BCAT1: variants seen among roughly 807,000 people sequenced by gnomAD.
BCAT1 encodes the protein branched-chain-amino-acid aminotransferase, cytosolic.
A neutral mutation model predicts 52.4 loss-of-function variants in BCAT1; 48 were observed. The ratio of observed to expected loss-of-function variants is 0.92; its 90% CI spans 0.73 to 1.16. The LOEUF is 1.16. Ranked by LOEUF, BCAT1 falls within the 50% of genes most tolerant of loss-of-function variation. The probability of loss-of-function intolerance (pLI) is 0.00; values close to 1 mark genes in which losing one functional copy is unlikely to be tolerated. For synonymous variants in BCAT1, 167 were observed against 161.3 expected (o/e 1.04, Z -0.27); for missense variants, 451 against 457.1 (o/e 0.99, Z 0.12).
chr12:24,864,245 C>T (rs1941938892), intron 5 of BCAT1, among the ~76,000 whole-genome samples: 1 of 152,174 alleles, frequency 6.6e-6, no homozygotes, highest in Admixed American at 6.5e-5. Context: ...TCCTCACTGG[C>T]TCCTGCCTTT....
At chr12:24,855,401 T>A (rs1842980350) in intron 5 of BCAT1, among the ~76,000 whole-genome samples, 2 of 151,292 alleles carry the variant, frequency 1.3e-5, no homozygotes, top group African/African-American at 4.9e-5. Context: ...TTAGATGGAG[T>A]CTCAAGTCTC....
chr12:24,903,244 G>A, intron 1 of BCAT1: 2 of 731,972 alleles, frequency 2.7e-6, no homozygotes, highest in Non-Finnish European at 3.7e-6. Flanking sequence ...CCCTGTCACC[G>A]GGGTCGCTTG....
At chr12:24,852,296 T>A (rs1266507613) in intron 5 of BCAT1, among the ~76,000 whole-genome samples, 1 of 152,184 alleles carries the variant, frequency 6.6e-6, no homozygotes, top group African/African-American at 2.4e-5. Context: ...TAATACACCC[T>A]AGTGATGAGG....
At chr12:24,928,030 G>T (rs1943619188) in intron 1 of BCAT1, among the ~76,000 whole-genome samples, 1 of 152,180 alleles carries the variant, frequency 6.6e-6, no homozygotes, top group Admixed American at 6.5e-5. Context: ...ATGCTTTACT[G>T]TCTGAGCAGC....
chr12:24,842,232 A>G lies in BCAT1; in HGVS notation c.675-8T>C, dbSNP rs1033781870. ...AGAGATGAGCCGTAATTCCTTTAAGAAAGAGAAAATACACAGGTTACAAAC... is the reference window on the plus strand; with the variant it reads ...AGAGATGAGCCGTAATTCCTTTAAGGAAGAGAAAATACACAGGTTACAAAC... On this transcript the variant is annotated splice_polypyrimidine_tract_variant and splice_region_variant and intron_variant, in intron 6 of 10. Coordinates refer to ENST00000261192, the MANE Select transcript of BCAT1 (RefSeq NM_005504.7). 2.3e-5 allele frequency: 37 copies of G among 1,612,754 alleles called. No individual in the cohort carries two copies. Among genetic ancestry groups the G allele is most frequent in the Non-Finnish European group, 3.1e-5 (37 of 1,179,038 alleles).
At chr12:24,857,207 A>G (rs182309447) in intron 5 of BCAT1, among the ~76,000 whole-genome samples, 12 of 152,204 alleles carry the variant, frequency 7.9e-5, no homozygotes, top group Admixed American at 7.8e-4. Context: ...TCTTCCCCTC[A>G]TGAACAACTT....
At chr12:24,866,937 C>T (rs1383091320) in intron 5 of BCAT1, among the ~76,000 whole-genome samples, 2 of 152,172 alleles carry the variant, frequency 1.3e-5, no homozygotes, top group Non-Finnish European at 2.9e-5. Flanking sequence ...GCTTTGTTCT[C>T]TCGCTCTTTG....
chr12:24,929,362 T>C (rs1227515625), intron 1 of BCAT1, among the ~76,000 whole-genome samples: 1 of 152,150 alleles, frequency 6.6e-6, no homozygotes, highest in Non-Finnish European at 1.5e-5. Flanking sequence ...GGTTCCTGTT[T>C]TTTCAGCATT....
chr12:24,845,087 G>A (rs1941302904), intron 6 of BCAT1, among the ~76,000 whole-genome samples: 1 of 151,200 alleles, frequency 6.6e-6, no homozygotes, highest in Admixed American at 6.6e-5. Context: ...GGTGGACCAC[G>A]CCTGTAATCC....
At chr12:24,829,172 T>C (rs539833474) in intron 10 of BCAT1, among the ~76,000 whole-genome samples, 1 of 152,118 alleles carries the variant, frequency 6.6e-6, no homozygotes, top group East Asian at 1.9e-4. Context: ...TTACCTTAGG[T>C]CAGGAGTTCA....
Position 24,835,388 on chromosome 12 carries a change from CT to C in BCAT1, c.903+1122del, listed in dbSNP as rs558452383. On this transcript the variant is annotated intron_variant, in intron 8 of 10. Coordinates refer to ENST00000261192, the MANE Select transcript of BCAT1 (RefSeq NM_005504.7). The stretch of plus-strand genomic sequence containing the variant: ...CATTTGTCCTATTACTACTAGTACT[CT>C]TTGACCACAGTAAGCTCAAAGCCTT... 4.6e-5 allele frequency among the ~76,000 whole-genome samples: 7 copies of C among 152,266 alleles called. No homozygotes were observed. In the South Asian group the frequency reaches 1.5e-3, roughly 32 times the overall value.
intron 6 of BCAT1, among the ~76,000 whole-genome samples, chr12:24,846,758 A>T (rs907783106): frequency 2.2e-4 from 33 of 152,206 alleles, no homozygotes; most frequent in African/African-American, 7.7e-4. Context: ...TGGATTAGGG[A>T]TGCCCAAAGA....
chr12:24,850,251 T>C (rs1941466861), intron 5 of BCAT1, among the ~76,000 whole-genome samples: 1 of 152,202 alleles, frequency 6.6e-6, no homozygotes, highest in Non-Finnish European at 1.5e-5. Context: ...CTAACAACTA[T>C]CTATATAACA....
Position 24,841,559 on chromosome 12 carries a change from A to G in BCAT1, c.817+523T>C, listed in dbSNP as rs866139391. Among the ~76,000 whole-genome samples, 4 of 152,192 alleles carry G rather than the reference A, an allele frequency of 2.6e-5. No individual in the cohort carries two copies. In the South Asian group the frequency reaches 6.2e-4, roughly 24 times the overall value. ...CAGTATCTCAATAATCAGTACATCT[A>G]GAGCCAGAAAAACAAAAAACGAAAA... On this transcript the variant is annotated intron_variant, in intron 7 of 10. Transcript: ENST00000261192.
rs767564892 is a variant in BCAT1 at position 24,881,306 on chromosome 12, G to A, written c.385C>T (p.Leu129=). Residue 129 remains leucine (L), a synonymous_variant, in exon 4 of 11, where the codon CTG becomes TTG. Transcript: ENST00000261192. ...RMYRSAVRAT[L]PVFDKEELLE... ...AAACTCCTACACTTACATACCGGCA[G>A]AGTTGCCCTCACAGCAGAGCGATAC... 5.0e-6 allele frequency: 8 copies of A among 1,605,282 alleles called. No individual in the cohort carries two copies. Among genetic ancestry groups the A allele is most frequent in the Non-Finnish European group, 6.8e-6 (8 of 1,172,868 alleles).
intron 8 of BCAT1, among the ~76,000 whole-genome samples, chr12:24,835,200 G>A (rs758284949): frequency 5.3e-5 from 8 of 152,114 alleles, no homozygotes; most frequent in African/African-American, 1.7e-4. Flanking sequence ...TTATACCAAC[G>A]GTTTGTAAAT....
In BCAT1 at chr12:24,852,594, G is replaced by T. The variant is rs566778681; in HGVS notation, c.511-2645C>A. ...TCTCCTGATTTTGACAGGTAAATTT[G>T]CATTTTATTCCACTAGGTGGTAGTA... On this transcript the variant is annotated intron_variant, in intron 5 of 10. Transcript: ENST00000261192. Among the ~76,000 whole-genome samples, 3 of 152,156 alleles carry T rather than the reference G, an allele frequency of 2.0e-5. No homozygotes were observed. The South Asian group carries it at 6.2e-4, about 32-fold the overall frequency.
At chr12:24,878,696 T>C in intron 4 of BCAT1, 47 bp from the exon 5 acceptor site, 2 of 1,535,308 alleles carry the variant, frequency 1.3e-6, no homozygotes, top group Non-Finnish European at 1.8e-6. Context: ...TCTCACAATG[T>C]GGCAATAATA....
At chr12:24,939,792 C>T (rs1943821223) in intron 1 of BCAT1, among the ~76,000 whole-genome samples, 2 of 152,168 alleles carry the variant, frequency 1.3e-5, no homozygotes, top group South Asian at 4.1e-4. Flanking sequence ...TGAGATCACA[C>T]CACTTCACTC....
Sources: gnomAD v4.1 joint callset for allele counts (sites outside exome capture counted in the v4.1 genomes callset) on GRCh38, gnomAD v4.1.1 for gene constraint, MANE v1.5 for transcripts, NCBI Gene and HGNC (gene_info 2026-07-23, HGNC 2026-07-21) for gene names.